The following ADRA1B variants were observed in gnomAD, a reference collection of about 807,000 sequenced individuals.
ADRA1B encodes the protein alpha-1B adrenergic receptor.
Under a neutral mutation model 17.9 loss-of-function variants are expected in ADRA1B, and 17 were observed. The ratio of observed to expected loss-of-function variants is 0.95; its 90% CI spans 0.65 to 1.42. ADRA1B has a LOEUF of 1.42. Ranked by LOEUF, ADRA1B falls within the 40% of genes most tolerant of loss-of-function variation. The pLI is 0.00. For missense variants in ADRA1B, 681 were observed against 722.1 expected, an observed-to-expected ratio of 0.94 and a Z score of 0.65; for synonymous variants, 366 against 327.6, an observed-to-expected ratio of 1.12 and a Z score of -1.27.
intron 1 of ADRA1B, among the ~76,000 whole-genome samples, chr5:159,941,559 C>T (rs922983279): frequency 2.0e-5 from 3 of 152,202 alleles, no homozygotes; most frequent in Admixed American, 6.5e-5. Context: ...CATGTCCTCA[C>T]ACAAAAACTT....
chr5:159,949,536 A>G (rs894006054), intron 1 of ADRA1B, among the ~76,000 whole-genome samples: 48 of 152,338 alleles, frequency 3.2e-4, no homozygotes, highest in African/African-American at 1.1e-3. Flanking sequence ...CAACAACATG[A>G]AAACTAAAAC....
chr5:159,979,392 G>A, the ADRA1B span, among the ~76,000 whole-genome samples: 12 of 152,308 alleles, frequency 7.9e-5, no homozygotes, highest in East Asian at 1.9e-3. Flanking sequence ...ATGAAGATCA[G>A]TTACACTTGG....
At chr5:159,947,615 A>G (rs1032145595) in intron 1 of ADRA1B, 8 of 737,642 alleles carry the variant, frequency 1.1e-5, no homozygotes, top group Non-Finnish European at 1.3e-5. Flanking sequence ...TTTTCAATAC[A>G]CTGGCTTTCA....
At chr5:159,911,098 G>T (rs1561587751) in intron 1 of ADRA1B, among the ~76,000 whole-genome samples, 1 of 152,146 alleles carries the variant, frequency 6.6e-6, no homozygotes, top group Non-Finnish European at 1.5e-5. Context: ...AGAAGGTCAT[G>T]GGGCAAACGG....
At chr5:159,921,964 G>T (rs1754494683) in intron 1 of ADRA1B, among the ~76,000 whole-genome samples, 2 of 152,190 alleles carry the variant, frequency 1.3e-5, no homozygotes. Context: ...TGAGTACTTG[G>T]CAAGGGGGAA....
chr5:159,943,039 C>T (rs1447772003), intron 1 of ADRA1B, among the ~76,000 whole-genome samples: 1 of 151,928 alleles, frequency 6.6e-6, no homozygotes, highest in Non-Finnish European at 1.5e-5. Context: ...TGGTGAAACC[C>T]CGTCTCTACT....
At chr5:159,968,272 T>A (rs1445659260) in intron 1 of ADRA1B, among the ~76,000 whole-genome samples, 1 of 152,204 alleles carries the variant, frequency 6.6e-6, no homozygotes, top group Non-Finnish European at 1.5e-5. Flanking sequence ...AATAAGCTAG[T>A]GGTGTGAAGA....
intron 1 of ADRA1B, among the ~76,000 whole-genome samples, chr5:159,943,846 A>G (rs1755198845): frequency 6.6e-6 from 1 of 151,756 alleles, no homozygotes; most frequent in South Asian, 2.1e-4. Flanking sequence ...CAATCAGTAT[A>G]TTGTTACCTG....
chr5:159,916,816 G>C lies in ADRA1B; in HGVS notation c.-90G>C, dbSNP rs1253016396. ...GGCGCCTCTGGGAAGAAGACCACGG[G>C]GGAAGCAAAGTTTCAGGGCAGCTGA... On this transcript the variant is annotated 5_prime_UTR_variant, in exon 1 of 2. Coordinates refer to ENST00000306675, the MANE Select transcript of ADRA1B (RefSeq NM_000679.4). 1.5e-6 allele frequency: 2 copies of C among 1,340,758 alleles called. No individual in the cohort carries two copies. Among genetic ancestry groups the C allele is most frequent in the Admixed American group, 4.9e-5 (2 of 40,688 alleles). 83.1% of individuals were successfully genotyped at this position (1,340,758 alleles called of 1,614,324 possible). A position where few individuals can be genotyped will look rare whatever the true frequency, so the allele number is the denominator to read the frequency against.
intron 1 of ADRA1B, chr5:159,870,115 A>T (rs934253438): frequency 6.6e-6 from 1 of 152,248 alleles, no homozygotes; most frequent in Non-Finnish European, 1.5e-5. Flanking sequence ...AAGGGAAAAA[A>T]GAGAATTCCA....
chr5:159,907,533 T>G (rs902892061), intron 1 of ADRA1B, among the ~76,000 whole-genome samples: 2 of 152,188 alleles, frequency 1.3e-5, no homozygotes, highest in Non-Finnish European at 2.9e-5. Context: ...GTGACATCAT[T>G]TGGCAAGTAA....
chr5:159,908,950 C>T (rs984048661), intron 1 of ADRA1B, among the ~76,000 whole-genome samples: 2 of 152,152 alleles, frequency 1.3e-5, no homozygotes, highest in African/African-American at 2.4e-5. Flanking sequence ...AAAGTCTCCA[C>T]AAAATCTCCC....
intron 1 of ADRA1B, among the ~76,000 whole-genome samples, chr5:159,952,340 A>G (rs909261660): frequency 6.6e-6 from 1 of 152,248 alleles, no homozygotes; most frequent in South Asian, 2.1e-4. Context: ...GTGTAATAAT[A>G]TACTGTAATA....
the ADRA1B span, among the ~76,000 whole-genome samples, chr5:159,987,412 G>T: frequency 2.6e-5 from 4 of 152,202 alleles, no homozygotes; most frequent in African/African-American, 9.6e-5. Flanking sequence ...CTGGAGCGGG[G>T]CATCCTTCCT....
At chr5:159,886,925 A>G (rs1483919899) in intron 1 of ADRA1B, among the ~76,000 whole-genome samples, 1 of 152,174 alleles carries the variant, frequency 6.6e-6, no homozygotes, top group Non-Finnish European at 1.5e-5. Flanking sequence ...TATGATGAGT[A>G]TAGTATCTAG....
intron 1 of ADRA1B, among the ~76,000 whole-genome samples, chr5:159,882,041 C>G (rs991964878): frequency 6.6e-6 from 1 of 152,212 alleles, no homozygotes; most frequent in Non-Finnish European, 1.5e-5. Flanking sequence ...AAGGTCCCAT[C>G]TGCAAGCGCT....
intron 1 of ADRA1B, among the ~76,000 whole-genome samples, chr5:159,867,558 T>G (rs1161545170): frequency 6.6e-6 from 1 of 152,172 alleles, no homozygotes; most frequent in Non-Finnish European, 1.5e-5. Context: ...ATTTTACAGC[T>G]ATACTTGCTG....
intron 1 of ADRA1B, among the ~76,000 whole-genome samples, chr5:159,922,883 C>T (rs1020795000): frequency 3.3e-5 from 5 of 152,268 alleles, no homozygotes; most frequent in East Asian, 1.9e-4. Context: ...GAAAAACACA[C>T]ATGCACAAAC....
chr5:159,872,311 T>C (rs1429544383), intron 1 of ADRA1B, among the ~76,000 whole-genome samples: 5 of 152,018 alleles, frequency 3.3e-5, no homozygotes, highest in African/African-American at 1.2e-4. Flanking sequence ...GAGGGAGAAA[T>C]GCCCTAACTA....
Sources: gnomAD v4.1 joint callset for allele counts (sites outside exome capture counted in the v4.1 genomes callset) on GRCh38, gnomAD v4.1.1 for gene constraint, MANE v1.5 for transcripts, NCBI Gene and HGNC (gene_info 2026-07-23, HGNC 2026-07-21) for gene names.